Variants in HDAC8 observed in about 807,000 individuals in gnomAD.
HDAC8 encodes the protein histone deacetylase 8.
A neutral mutation model predicts 32.2 loss-of-function variants in HDAC8; 1 was observed. The observed-to-expected ratio is 0.03, with a 90% CI of 0.01 to 0.15. HDAC8 has a LOEUF of 0.15. Among genes scored for constraint, HDAC8 ranks in the 10% least tolerant of loss-of-function variants. The probability of loss-of-function intolerance (pLI) is 1.00; values close to 1 mark genes in which losing one functional copy is unlikely to be tolerated. For synonymous variants in HDAC8, 108 were observed against 113.9 expected, an observed-to-expected ratio of 0.95 and a Z score of 0.33; for missense variants, 117 against 300.0, an observed-to-expected ratio of 0.39 and a Z score of 4.51.
chrX:72,387,244 T>C (rs1264185273), intron 9 of HDAC8, among the ~76,000 whole-genome samples: 1 of 111,096 alleles, frequency 9.0e-6, no homozygotes, highest in African/African-American at 3.3e-5. Context: ...CCATGTAGGG[T>C]AGAAAAGTGA....
intron 5 of HDAC8, among the ~76,000 whole-genome samples, chrX:72,492,163 T>C (rs939989191): frequency 1.8e-5 from 2 of 112,063 alleles, no homozygotes; most frequent in Middle Eastern, 4.7e-3. Context: ...ACAAGGATAA[T>C]TCATGAAAAT....
intron 9 of HDAC8, among the ~76,000 whole-genome samples, chrX:72,413,174 A>T (rs201306749): frequency 7.1e-4 from 77 of 109,135 alleles, no homozygotes; most frequent in East Asian, 3.8e-3. Flanking sequence ...CGTGCAGGTT[A>T]GTTACATATG....
intron 9 of HDAC8, among the ~76,000 whole-genome samples, chrX:72,361,038 C>A (rs2044533877): frequency 9.0e-6 from 1 of 111,166 alleles, no homozygotes; most frequent in Admixed American, 9.6e-5. Flanking sequence ...GAGATAGGGG[C>A]TATTGAAGAT....
intron 9 of HDAC8, among the ~76,000 whole-genome samples, chrX:72,454,923 A>G (rs1218934643): frequency 2.7e-5 from 3 of 112,672 alleles, no homozygotes; most frequent in Non-Finnish European, 3.7e-5. Context: ...TTTAGCTGTA[A>G]TCATGAAGAC....
intron 4 of HDAC8, among the ~76,000 whole-genome samples, chrX:72,524,449 A>G (rs1010381873): frequency 2.7e-5 from 3 of 111,805 alleles, no homozygotes; most frequent in Non-Finnish European, 5.6e-5. Context: ...TTTCCCATTA[A>G]GCCCAGATGA....
At chrX:72,491,280 T>G (rs1421889773) in intron 5 of HDAC8, among the ~76,000 whole-genome samples, 1 of 111,769 alleles carries the variant, frequency 8.9e-6, no homozygotes, top group Non-Finnish European at 1.9e-5. Flanking sequence ...AGCAATGGGA[T>G]GTCTGGGCTC....
At chrX:72,430,151 T>C (rs912417523) in intron 9 of HDAC8, among the ~76,000 whole-genome samples, 9 of 112,380 alleles carry the variant, frequency 8.0e-5, no homozygotes, top group African/African-American at 2.6e-4. Flanking sequence ...TTTTCTTTTT[T>C]CCTCTCATTT....
intron 4 of HDAC8, among the ~76,000 whole-genome samples, chrX:72,526,449 G>C (rs541871384): frequency 9.0e-6 from 1 of 110,753 alleles, no homozygotes; most frequent in African/African-American, 3.3e-5. Flanking sequence ...CTGCCTTATC[G>C]TGGTTTGTTT....
intron 1 of HDAC8, 120 bp from the exon 2 acceptor site, chrX:72,572,229 C>A (rs2052116631): frequency 1.5e-6 from 1 of 650,154 alleles, no homozygotes; most frequent in South Asian, 3.1e-5. Context: ...AATTTTGTTT[C>A]AACTGGCTTC....
At chrX:72,558,427 T>A (rs1556102547) in intron 4 of HDAC8, among the ~76,000 whole-genome samples, 1 of 111,974 alleles carries the variant, frequency 8.9e-6, no homozygotes, top group Non-Finnish European at 1.9e-5. Context: ...AGGGATAGTT[T>A]AACATACACA....
intron 7 of HDAC8, among the ~76,000 whole-genome samples, chrX:72,478,335 C>G (rs2048395557): frequency 8.9e-6 from 1 of 112,236 alleles, no homozygotes; most frequent in Non-Finnish European, 1.9e-5. Flanking sequence ...TTAAAAATAT[C>G]CCATGATTCA....
chrX:72,478,479 A>ACGGAGCTGG (rs1556001588), intron 7 of HDAC8, among the ~76,000 whole-genome samples: 1 of 110,899 alleles, frequency 9.0e-6, no homozygotes, highest in East Asian at 2.8e-4. Flanking sequence ...CCCCCTCAAC[A>ACGGAGCTGG]CGGAGCTGGC....
chrX:72,363,562 C>G, intron 9 of HDAC8, among the ~76,000 whole-genome samples: 1 of 110,594 alleles, frequency 9.0e-6, no homozygotes, highest in Non-Finnish European at 1.9e-5. Flanking sequence ...CAACCCACAC[C>G]TCCAATGAAC....
At chrX:72,360,303 C>T (rs1317515149) in intron 9 of HDAC8, among the ~76,000 whole-genome samples, 2 of 109,292 alleles carry the variant, frequency 1.8e-5, no homozygotes, top group Non-Finnish European at 3.8e-5. Context: ...TGCAGTGAGC[C>T]GAGATTGCAC....
chrX:72,359,445 C>G (rs189503123), intron 9 of HDAC8, among the ~76,000 whole-genome samples: 98 of 110,700 alleles, frequency 8.9e-4, no homozygotes, highest in African/African-American at 3.1e-3. Context: ...GACAGGCAGG[C>G]ATGGAGTGTG....
At chrX:72,449,667 C>G (rs782197796) in intron 9 of HDAC8, among the ~76,000 whole-genome samples, 1 of 110,294 alleles carries the variant, frequency 9.1e-6, no homozygotes, top group Non-Finnish European at 1.9e-5. Flanking sequence ...AAAAGTAAAT[C>G]GCCTAAACAC....
intron 4 of HDAC8, among the ~76,000 whole-genome samples, chrX:72,531,870 A>G (rs1470650738): frequency 8.9e-6 from 1 of 112,110 alleles, no homozygotes; most frequent in African/African-American, 3.2e-5. Context: ...AAATTCATCA[A>G]TTGATGCACA....
chrX:72,404,034 A>C (rs1028581790), intron 9 of HDAC8, among the ~76,000 whole-genome samples: 8 of 112,232 alleles, frequency 7.1e-5, no homozygotes, highest in Non-Finnish European at 1.3e-4. Context: ...GAATAAAATA[A>C]ACAAAAACCT....
chrX:72,447,327 C>T lies in HDAC8; in HGVS notation c.1005+14677G>A, dbSNP rs782332338. Among the ~76,000 whole-genome samples, 15 of 111,988 alleles carry T rather than the reference C, an allele frequency of 1.3e-4. 1 individual carries two copies. The highest frequency in any genetic ancestry group is 2.8e-4 in the Admixed American group (3 of 10,540). On this transcript the variant is annotated intron_variant, in intron 9 of 10. Transcript: ENST00000373573. ...TAATCCATCACATAAACAGAACCAA[C>T]GACAAAAACCACATGATTATCTCAA... is the stretch of plus-strand genomic sequence containing the variant.
Sources: gnomAD v4.1 joint callset for allele counts (sites outside exome capture counted in the v4.1 genomes callset) on GRCh38, gnomAD v4.1.1 for gene constraint, MANE v1.5 for transcripts, NCBI Gene and HGNC (gene_info 2026-07-23, HGNC 2026-07-21) for gene names.